The following SRPX variants were observed in gnomAD, a reference collection of about 807,000 sequenced individuals.
SRPX encodes the protein sushi repeat containing protein X-linked.
In SRPX, 24 loss-of-function variants were observed where a neutral mutation model predicts 38.1. That is an observed-to-expected ratio of 0.63 (90% confidence interval 0.46 to 0.89). The LOEUF (loss-of-function observed/expected upper bound fraction) is 0.89, where lower values mean the gene tolerates loss of function less well. SRPX is among the 40% of genes least tolerant of loss of function. The pLI is 0.00. For missense variants in SRPX, 416 were observed against 377.8 expected, an observed-to-expected ratio of 1.10 and a Z score of -0.84; for synonymous variants, 184 against 153.8, an observed-to-expected ratio of 1.20 and a Z score of -1.45.
chrX:38,170,176 T>C (rs1938441927), intron 4 of SRPX, among the ~76,000 whole-genome samples: 1 of 111,521 alleles, frequency 9.0e-6, no homozygotes, highest in African/African-American at 3.3e-5. Context: ...AGCCCAGTCT[T>C]CTCTCTTCCC....
intron 9 of SRPX, 149 bp from the exon 10 acceptor site, chrX:38,150,043 A>C: frequency 2.1e-6 from 1 of 466,063 alleles, no homozygotes; most frequent in Non-Finnish European, 3.4e-6. Flanking sequence ...GTCTACTCCA[A>C]CTGTGACCCT....
Position 38,156,934 on chromosome X carries a change from G to C in SRPX, c.1051C>G (p.Arg351Gly). The stretch of plus-strand genomic sequence containing the variant: ...AGCTGGAGCCGGTAAAGGAGGTTTC[G>C]GGCTGTGGGTGTGGACACAATGAGG... ...RLLIVSTPTARNLLYRLQLGM... is the reference protein window; with the variant it reads ...RLLIVSTPTAGNLLYRLQLGM... Residue 351 changes from arginine to glycine, a missense_variant, in exon 8 of 10, where the codon CGA (arginine) becomes GGA (glycine). Arg to Gly is a moderately radical substitution (Grantham distance 125). Coordinates refer to ENST00000378533, the MANE Select transcript of SRPX (RefSeq NM_006307.5). The C allele has an allele frequency of 8.3e-7, 1 of 1,211,251 alleles. No homozygotes were observed. The highest frequency in any genetic ancestry group is 1.1e-6 in the Non-Finnish European group (1 of 895,328).
At chrX:38,164,982 G>A in intron 4 of SRPX, 87 bp from the exon 5 acceptor site, 1 of 854,245 alleles carries the variant, frequency 1.2e-6, no homozygotes, top group South Asian at 2.5e-5. Context: ...AAATACCAAA[G>A]CCTCTGGGTA....
intron 1 of SRPX, among the ~76,000 whole-genome samples, chrX:38,216,065 C>T (rs1272469720): frequency 6.3e-5 from 7 of 111,983 alleles, no homozygotes; most frequent in African/African-American, 2.3e-4. Flanking sequence ...AAAGGACACT[C>T]ACACAGATTT....
At chrX:38,208,032 T>C (rs1489439658) in intron 1 of SRPX, among the ~76,000 whole-genome samples, 1 of 111,811 alleles carries the variant, frequency 8.9e-6, no homozygotes, top group Admixed American at 9.5e-5. Flanking sequence ...GGCCTGGCCT[T>C]CTCTATCATT....
At chrX:38,158,971 C>T (rs1199102804) in intron 7 of SRPX, among the ~76,000 whole-genome samples, 1 of 110,612 alleles carries the variant, frequency 9.0e-6, no homozygotes, top group East Asian at 2.8e-4. Context: ...CAGAGAGAGA[C>T]TACATCTCAA....
At chrX:38,203,034 T>C (rs186871989) in intron 1 of SRPX, among the ~76,000 whole-genome samples, 1 of 111,691 alleles carries the variant, frequency 9.0e-6, no homozygotes, top group Non-Finnish European at 1.9e-5. Flanking sequence ...AACAAAGTAT[T>C]ACCAAATAAA....
At chrX:38,154,731 G>A (rs2147761680) in intron 8 of SRPX, 148 bp from the exon 9 acceptor site, 3 of 757,283 alleles carry the variant, frequency 4.0e-6, no homozygotes, top group Non-Finnish European at 5.5e-6. Flanking sequence ...ATGAGAAATT[G>A]GGGTTAAGAT....
At chrX:38,207,220 C>G (rs1939227096) in intron 1 of SRPX, among the ~76,000 whole-genome samples, 1 of 112,243 alleles carries the variant, frequency 8.9e-6, no homozygotes, top group Non-Finnish European at 1.9e-5. Context: ...TACTCTGGTC[C>G]AAGGGGAAAA....
Position 38,217,498 on chromosome X carries a change from G to C in SRPX, c.97+3198C>G, listed in dbSNP as rs185229517. ...TAAGGATAGGATTTTAGGAAACCAG[G>C]GGGAAAAGACTGGAAAATTAGGCTA... is the stretch of plus-strand genomic sequence containing the variant. On this transcript the variant is annotated intron_variant, in intron 1 of 9. Coordinates refer to ENST00000378533, the MANE Select transcript of SRPX (RefSeq NM_006307.5). Among the ~76,000 whole-genome samples, 561 of 111,485 alleles carry C rather than the reference G, an allele frequency of 5.0e-3. 1 individual carries two copies. The highest frequency in any genetic ancestry group is 8.6e-3 in the Non-Finnish European group (456 of 53,039).
intron 1 of SRPX, among the ~76,000 whole-genome samples, chrX:38,186,150 G>C (rs1014805657): frequency 1.8e-5 from 2 of 111,908 alleles, no homozygotes; most frequent in African/African-American, 6.5e-5. Flanking sequence ...TGTCCATCTT[G>C]AATACTGTCT....
chrX:38,167,597 T>C (rs1387221835), intron 4 of SRPX, among the ~76,000 whole-genome samples: 2 of 112,500 alleles, frequency 1.8e-5, no homozygotes, highest in Non-Finnish European at 3.8e-5. Context: ...TGCAATTATA[T>C]AAAAATCTTG....
intron 2 of SRPX, among the ~76,000 whole-genome samples, chrX:38,177,588 G>T (rs1193202348): frequency 9.2e-6 from 1 of 108,125 alleles, no homozygotes; most frequent in African/African-American, 3.4e-5. Context: ...ACTGTAAGAG[G>T]AACTAGATTC....
chrX:38,152,217 A>G (rs1318878730), intron 9 of SRPX, among the ~76,000 whole-genome samples: 1 of 112,340 alleles, frequency 8.9e-6, no homozygotes, highest in Non-Finnish European at 1.9e-5. Flanking sequence ...AAGTTCTGCC[A>G]AGCTCTTTGT....
At chrX:38,198,382 A>G (rs1939037365) in intron 1 of SRPX, among the ~76,000 whole-genome samples, 1 of 112,525 alleles carries the variant, frequency 8.9e-6, no homozygotes, top group African/African-American at 3.2e-5. Flanking sequence ...CATGTGTCTC[A>G]GATTCAATTC....
At chrX:38,199,393 G>A (rs771368370) in intron 1 of SRPX, among the ~76,000 whole-genome samples, 1,222 of 99,077 alleles carry the variant, frequency 0.012, 8 homozygotes, top group Middle Eastern at 0.024. Context: ...GCGACAGAGC[G>A]AGACTCCATC....
chrX:38,192,112 A>G (rs1429708770), intron 1 of SRPX, among the ~76,000 whole-genome samples: 1 of 111,816 alleles, frequency 8.9e-6, no homozygotes, highest in Admixed American at 9.5e-5. Context: ...CCAGCTAAAG[A>G]GAGCCCCACA....
chrX:38,179,883 T>C (rs773438063), intron 1 of SRPX, among the ~76,000 whole-genome samples: 22 of 111,228 alleles, frequency 2.0e-4, no homozygotes, highest in South Asian at 3.8e-4. Flanking sequence ...AGTGGGAGAA[T>C]TACTTGAGCC....
intron 1 of SRPX, among the ~76,000 whole-genome samples, chrX:38,194,862 G>GTTT (rs1938965542): frequency 2.6e-5 from 2 of 78,362 alleles, no homozygotes; most frequent in African/African-American, 1.1e-4. Context: ...GTTTGTTTTT[G>GTTT]GTTTTTTTTT....
Sources: allele counts gnomAD v4.1 joint callset (sites outside exome capture counted in the v4.1 genomes callset), GRCh38; gene constraint gnomAD v4.1.1; transcripts MANE v1.5; gene names NCBI Gene and HGNC (gene_info 2026-07-23, HGNC 2026-07-21).